The following NEDD4L variants were observed in gnomAD, a reference collection of about 807,000 sequenced individuals.
NEDD4L encodes E3 ubiquitin-protein ligase NEDD4-like.
NEDD4L carries 54 observed loss-of-function variants against 148.9 expected under a neutral mutation model. The observed-to-expected ratio is 0.36, with a 90% CI of 0.29 to 0.45. The LOEUF (loss-of-function observed/expected upper bound fraction) is 0.45. Among genes scored for constraint, NEDD4L ranks in the 20% least tolerant of loss-of-function variants. The pLI is 1.00. For synonymous variants in NEDD4L, 433 were observed against 440.7 expected (o/e 0.98, Z 0.22); for missense variants, 856 against 1,233.8 (o/e 0.69, Z 4.59).
At position 58,044,242 on chromosome 18, in the gene NEDD4L, A is replaced by C. The variant is rs1195703303; in HGVS notation, c.-419A>C. 4.7e-5 allele frequency: 7 copies of C among 149,644 alleles called. No homozygotes were observed. Among genetic ancestry groups the C allele is most frequent in the Admixed American group, 1.3e-4 (2 of 15,054 alleles). The allele number at this position is 149,644 out of a possible 1,614,324, so 9.3% of individuals were successfully genotyped here. A position where few individuals can be genotyped will look rare whatever the true frequency, so the allele number is the denominator to read the frequency against. ...GGGGGCGGAGAGAGCGGGGGCCCGG[A>C]CGGCGCTAGCGAGGAGGCGGGCGAG... On this transcript the variant is annotated 5_prime_UTR_variant, in exon 1 of 31. Transcript: ENST00000400345.
At chr18:58,176,874 T>C (rs1377238648) in intron 2 of NEDD4L, among the ~76,000 whole-genome samples, 1 of 152,238 alleles carries the variant, frequency 6.6e-6, no homozygotes, top group Non-Finnish European at 1.5e-5. Context: ...GAGAATCTGA[T>C]GTGTTTTTTA....
In NEDD4L at chr18:58,103,592, G is replaced by A. The variant is rs2084900453; in HGVS notation, c.48+58884G>A. Reference sequence around the variant, plus strand: ...AGTTCATGCACAGACAGCAGAGTGTGTAGTTCTGTGGCCTTCTTGGCTATT... The same window carrying A: ...AGTTCATGCACAGACAGCAGAGTGTATAGTTCTGTGGCCTTCTTGGCTATT... On this transcript the variant is annotated intron_variant, in intron 1 of 30. Transcript: ENST00000400345. 2.0e-5 allele frequency among the ~76,000 whole-genome samples: 3 copies of A among 152,168 alleles called. No homozygotes were observed. In the South Asian group the frequency reaches 6.2e-4, roughly 31 times the overall value.
chr18:58,119,320 G>C (rs1225516384), intron 1 of NEDD4L, among the ~76,000 whole-genome samples: 4 of 152,170 alleles, frequency 2.6e-5, no homozygotes, highest in Non-Finnish European at 5.9e-5. Context: ...AGGTGGGGGA[G>C]GTGTGGGCAC....
intron 5 of NEDD4L, among the ~76,000 whole-genome samples, chr18:58,264,219 C>G (rs1489934262): frequency 6.6e-6 from 1 of 152,094 alleles, no homozygotes; most frequent in Non-Finnish European, 1.5e-5. Flanking sequence ...TACACATTAG[C>G]ACGCATTATT....
intron 1 of NEDD4L, among the ~76,000 whole-genome samples, chr18:58,079,358 C>T (rs961262338): frequency 1.3e-5 from 2 of 152,118 alleles, no homozygotes; most frequent in Admixed American, 1.3e-4. Flanking sequence ...TAGTGATGGG[C>T]GTGGTAACAG....
chr18:58,165,557 A>C, intron 1 of NEDD4L: 1 of 690,190 alleles, frequency 1.4e-6, no homozygotes, highest in South Asian at 6.5e-5. Flanking sequence ...ACTTTGAATT[A>C]AACTTGTGCT....
chr18:58,371,244 G>GAGGT (rs1354244439), intron 23 of NEDD4L, among the ~76,000 whole-genome samples: 2 of 122,116 alleles, frequency 1.6e-5, no homozygotes, highest in Non-Finnish European at 3.2e-5. Flanking sequence ...TAGTAGAAAC[G>GAGGT]AGGTTTCGCT....
At chr18:58,340,380 A>G (rs1200138783) in intron 13 of NEDD4L, among the ~76,000 whole-genome samples, 1 of 152,164 alleles carries the variant, frequency 6.6e-6, no homozygotes, top group Non-Finnish European at 1.5e-5. Context: ...ACACACTCCT[A>G]TCAGCAGACT....
At chr18:58,338,954 A>G (rs982325217) in intron 13 of NEDD4L, among the ~76,000 whole-genome samples, 5 of 152,176 alleles carry the variant, frequency 3.3e-5, no homozygotes, top group African/African-American at 1.2e-4. Context: ...GCTAGAATTC[A>G]TACAGCTTTA....
chr18:58,261,339 A>C (rs2049352094), intron 5 of NEDD4L, among the ~76,000 whole-genome samples: 1 of 152,192 alleles, frequency 6.6e-6, no homozygotes, highest in Non-Finnish European at 1.5e-5. Flanking sequence ...ATTTTGCTGT[A>C]ATATTTCCAG....
intron 1 of NEDD4L, among the ~76,000 whole-genome samples, chr18:58,060,035 G>A (rs1293722676): frequency 6.6e-6 from 1 of 151,818 alleles, no homozygotes; most frequent in South Asian, 2.1e-4. Context: ...TACTTAGTAA[G>A]TGGCTGAGCC....
intron 1 of NEDD4L, chr18:58,045,439 CTCTTT>C (rs1432334466): frequency 2.4e-5 from 7 of 289,734 alleles, no homozygotes; most frequent in Non-Finnish European, 3.8e-5. Context: ...CTTAATTGAT[CTCTTT>C]TATTAATAAA....
chr18:58,230,412 T>A (rs1234298363), intron 2 of NEDD4L, among the ~76,000 whole-genome samples: 1 of 118,996 alleles, frequency 8.4e-6, no homozygotes. Flanking sequence ...ACTGTGAAGC[T>A]TCTTCTTTTT....
chr18:58,109,277 A>G (rs1292895349), intron 1 of NEDD4L, among the ~76,000 whole-genome samples: 1 of 152,208 alleles, frequency 6.6e-6, no homozygotes, highest in Non-Finnish European at 1.5e-5. Context: ...GAAGAGGGCT[A>G]CTTTTGGATT....
chr18:58,329,442 C>T (rs561617081), intron 10 of NEDD4L, among the ~76,000 whole-genome samples: 11 of 151,994 alleles, frequency 7.2e-5, no homozygotes, highest in East Asian at 1.9e-4. Context: ...CTGCAACCTC[C>T]GCCTCCTGGG....
chr18:58,114,024 G>A (rs932788127), intron 1 of NEDD4L, among the ~76,000 whole-genome samples: 1 of 152,140 alleles, frequency 6.6e-6, no homozygotes, highest in Non-Finnish European at 1.5e-5. Context: ...GGGCACTTTG[G>A]CTCGCTTGTG....
intron 1 of NEDD4L, among the ~76,000 whole-genome samples, chr18:58,092,830 A>T (rs1268576413): frequency 6.6e-6 from 1 of 151,746 alleles, no homozygotes; most frequent in Non-Finnish European, 1.5e-5. Flanking sequence ...AAAAAAAAAA[A>T]AAAATCCATG....
At position 58,254,925 on chromosome 18, in the gene NEDD4L, G is replaced by A. The variant is rs146551589; in HGVS notation, c.297+2871G>A. Among the ~76,000 whole-genome samples, 970 of 152,278 alleles carry A rather than the reference G, an allele frequency of 6.4e-3. 13 individuals carry two copies. The highest frequency in any genetic ancestry group is 0.022 in the African/African-American group (922 of 41,542). ...CACTAACTCTGTAGGGTGTGTAATC[G>A]TATTTATAGTACTGTTTTATTAGTT... On this transcript the variant is annotated intron_variant, in intron 5 of 30. Coordinates refer to ENST00000400345, the MANE Select transcript of NEDD4L (RefSeq NM_001144967.3).
Position 58,352,625 on chromosome 18 carries a change from C to T in NEDD4L, c.1708+1580C>T, listed in dbSNP as rs190643635. Among the ~76,000 whole-genome samples, 264 of 152,268 alleles carry T rather than the reference C, an allele frequency of 1.7e-3. 2 individuals carry two copies. Among genetic ancestry groups the T allele is most frequent in the Admixed American group, 0.011 (173 of 15,294 alleles). ...GGTGAGACAAGATCATACCACTGCA[C>T]TCCAGCCTGGGCAACAGAGGGAGGC... On this transcript the variant is annotated intron_variant, in intron 18 of 30. Transcript: ENST00000400345.
Sources: allele counts gnomAD v4.1 joint callset (sites outside exome capture counted in the v4.1 genomes callset), GRCh38; gene constraint gnomAD v4.1.1; transcripts MANE v1.5; gene names NCBI Gene and HGNC (gene_info 2026-07-23, HGNC 2026-07-21).